The following PDZRN4 variants were observed in gnomAD, a reference collection of about 807,000 sequenced individuals.
PDZRN4 encodes the protein PDZ domain-containing RING finger protein 4.
In PDZRN4, 70 loss-of-function variants were observed where a neutral mutation model predicts 99.0. The observed-to-expected ratio is 0.71, with a 90% CI of 0.58 to 0.86. PDZRN4 has a LOEUF of 0.86. Ranked by LOEUF, PDZRN4 falls within the 40% of genes least tolerant of loss-of-function variation. The probability of loss-of-function intolerance (pLI) is 0.00; values close to 1 mark genes in which losing one functional copy is unlikely to be tolerated. For missense variants in PDZRN4, 1,474 were observed against 1,331.2 expected (o/e 1.11, Z -1.67); for synonymous variants, 551 against 501.6 (o/e 1.10, Z -1.32).
intron 3 of PDZRN4, among the ~76,000 whole-genome samples, chr12:41,259,755 G>A (rs934645181): frequency 6.6e-6 from 1 of 152,170 alleles, no homozygotes; most frequent in East Asian, 1.9e-4. Context: ...TCACAAATGA[G>A]TTTAGTCTAG....
intron 3 of PDZRN4, among the ~76,000 whole-genome samples, chr12:41,371,403 T>C (rs1377970694): frequency 6.6e-6 from 1 of 152,056 alleles, no homozygotes; most frequent in African/African-American, 2.4e-5. Context: ...TTCTTTCTGC[T>C]ATTCTGAGTC....
rs1938626467 is a variant in PDZRN4 at position 41,529,647 on chromosome 12, T to C, written c.1203+19734T>C. Among the ~76,000 whole-genome samples, 4 of 152,230 alleles carry C rather than the reference T, an allele frequency of 2.6e-5. No homozygotes were observed. The South Asian group carries it at 6.2e-4, about 24-fold the overall frequency. On this transcript the variant is annotated intron_variant, in intron 5 of 9. Transcript: ENST00000402685. ...CACAAATAACAGTTGCCCAGTTATC[T>C]TAGAAAATGCCAACCTTAGGCAGTT...
At chr12:41,430,459 C>A (rs1194421909) in intron 3 of PDZRN4, among the ~76,000 whole-genome samples, 3 of 147,796 alleles carry the variant, frequency 2.0e-5, no homozygotes, top group Non-Finnish European at 4.4e-5. Context: ...CAGAGCGAGA[C>A]TCCATCTAAA....
intron 3 of PDZRN4, among the ~76,000 whole-genome samples, chr12:41,396,328 C>CAAG (rs1952245425): frequency 1.3e-5 from 2 of 152,094 alleles, no homozygotes; most frequent in African/African-American, 4.8e-5. Flanking sequence ...GCATGCTGGC[C>CAAG]GCTTACTAAC....
At chr12:41,498,370 G>A (rs1478949964) in intron 3 of PDZRN4, among the ~76,000 whole-genome samples, 2 of 152,040 alleles carry the variant, frequency 1.3e-5, no homozygotes, top group Non-Finnish European at 2.9e-5. Flanking sequence ...ACCACATACT[G>A]GGCAATTTAT....
chr12:41,341,251 C>T (rs1310709170), intron 3 of PDZRN4, among the ~76,000 whole-genome samples: 1 of 151,520 alleles, frequency 6.6e-6, no homozygotes, highest in Admixed American at 6.6e-5. Context: ...CTGTAGCTAA[C>T]ATCATACTGA....
At chr12:41,446,242 G>A (rs1252058095) in intron 3 of PDZRN4, among the ~76,000 whole-genome samples, 1 of 67,626 alleles carries the variant, frequency 1.5e-5, no homozygotes, top group African/African-American at 7.2e-5. Context: ...AAACATTGTA[G>A]GGCTTTATTT....
chr12:41,561,133 G>A (rs1002419022), intron 7 of PDZRN4, among the ~76,000 whole-genome samples: 32 of 151,864 alleles, frequency 2.1e-4, no homozygotes, highest in African/African-American at 7.3e-4. Flanking sequence ...AAACTAAAAG[G>A]CAAAAAACCC....
chr12:41,568,107 T>C (rs1414201304), intron 9 of PDZRN4, among the ~76,000 whole-genome samples: 1 of 152,200 alleles, frequency 6.6e-6, no homozygotes, highest in Admixed American at 6.5e-5. Flanking sequence ...TTTGGGAAGC[T>C]TGGGGACAAT....
chr12:41,269,871 A>G (rs1478732182), intron 3 of PDZRN4, among the ~76,000 whole-genome samples: 1 of 152,204 alleles, frequency 6.6e-6, no homozygotes, highest in Non-Finnish European at 1.5e-5. Flanking sequence ...AGTCAACACC[A>G]GGTTTTAAAC....
intron 3 of PDZRN4, among the ~76,000 whole-genome samples, chr12:41,252,581 A>G (rs1232749462): frequency 6.6e-6 from 1 of 152,106 alleles, no homozygotes. Flanking sequence ...CTCTACTAAA[A>G]CTACAAAAAT....
At chr12:41,329,456 C>T (rs1005372611) in intron 3 of PDZRN4, among the ~76,000 whole-genome samples, 2 of 152,010 alleles carry the variant, frequency 1.3e-5, no homozygotes, top group Non-Finnish European at 2.9e-5. Flanking sequence ...TTATAAATCC[C>T]ATGGTAGCTT....
rs545103090 is a variant in PDZRN4, at chr12:41,214,883, GA to G, written c.843+20702del. On this transcript the variant is annotated intron_variant, in intron 3 of 9. Coordinates refer to ENST00000402685, the MANE Select transcript of PDZRN4 (RefSeq NM_001164595.2). ...TGCTATATAATGTATCTGTTTGAGAGAAAAAAATGTCTGAAAAGCATTAAAT... is the reference window on the plus strand; with the variant it reads ...TGCTATATAATGTATCTGTTTGAGAGAAAAAATGTCTGAAAAGCATTAAAT... Among the ~76,000 whole-genome samples, 109 of 152,030 alleles carry G rather than the reference GA, an allele frequency of 7.2e-4. 1 individual carries two copies. In the South Asian group the frequency reaches 0.014, roughly 19 times the overall value.
At chr12:41,364,877 G>A (rs1381525723) in intron 3 of PDZRN4, among the ~76,000 whole-genome samples, 1 of 152,030 alleles carries the variant, frequency 6.6e-6, no homozygotes, top group East Asian at 1.9e-4. Flanking sequence ...TTCAAGTAGG[G>A]ATTGTCTTAT....
At chr12:41,194,783 G>A (rs1473511349) in intron 3 of PDZRN4, among the ~76,000 whole-genome samples, 2 of 152,130 alleles carry the variant, frequency 1.3e-5, no homozygotes, top group South Asian at 2.1e-4. Context: ...GAACTATGAT[G>A]TCACTTGCTT....
intron 3 of PDZRN4, among the ~76,000 whole-genome samples, chr12:41,425,009 A>G (rs1952523163): frequency 6.6e-6 from 1 of 152,148 alleles, no homozygotes; most frequent in Admixed American, 6.6e-5. Flanking sequence ...TATACCACAA[A>G]GACTCTGACA....
At chr12:41,429,150 T>C (rs747032647) in intron 3 of PDZRN4, among the ~76,000 whole-genome samples, 20 of 152,212 alleles carry the variant, frequency 1.3e-4, no homozygotes, top group Non-Finnish European at 2.8e-4. Context: ...TCTGGAGATA[T>C]ATATTTAGAG....
At chr12:41,217,637 G>A (rs1392209817) in intron 3 of PDZRN4, among the ~76,000 whole-genome samples, 8 of 152,142 alleles carry the variant, frequency 5.3e-5, no homozygotes, top group Middle Eastern at 3.4e-3. Flanking sequence ...AATCAGTTTA[G>A]CCTGAAAGAA....
At chr12:41,422,852 T>A (rs151045884) in intron 3 of PDZRN4, among the ~76,000 whole-genome samples, 2 of 152,206 alleles carry the variant, frequency 1.3e-5, no homozygotes, top group Non-Finnish European at 2.9e-5. Flanking sequence ...TATGTGTGTG[T>A]GTGTACACAC....
Sources: allele counts gnomAD v4.1 joint callset (sites outside exome capture counted in the v4.1 genomes callset), GRCh38; gene constraint gnomAD v4.1.1; transcripts MANE v1.5; gene names NCBI Gene and HGNC (gene_info 2026-07-23, HGNC 2026-07-21).